TARP: variants seen among roughly 807,000 people sequenced by gnomAD.
chr7:38,266,521 A>T, the TARP span, among the ~76,000 whole-genome samples: 2 of 151,900 alleles, frequency 1.3e-5, no homozygotes, highest in African/African-American at 4.8e-5. Context: ...AGGCTGGTTT[A>T]AAACTCCTGC....
At chr7:38,266,993 T>C in the TARP span, among the ~76,000 whole-genome samples, 17,514 of 151,716 alleles carry the variant, frequency 0.12, 1,333 homozygotes, top group African/African-American at 0.21. Flanking sequence ...TATTTTGGAA[T>C]TTCATTTGAA....
chr7:38,270,665 A>G, the TARP span, among the ~76,000 whole-genome samples: 1 of 151,542 alleles, frequency 6.6e-6, no homozygotes, highest in Non-Finnish European at 1.5e-5. Flanking sequence ...AAAAGGCAAG[A>G]GGCCTGGTCC....
chr7:38,264,375 G>T, the TARP span, among the ~76,000 whole-genome samples: 1 of 151,680 alleles, frequency 6.6e-6, no homozygotes, highest in African/African-American at 2.4e-5. Context: ...TGGATCACTT[G>T]AGGTCAGGAA....
the TARP span, among the ~76,000 whole-genome samples, chr7:38,261,729 G>A: frequency 2.7e-5 from 4 of 150,730 alleles, no homozygotes; most frequent in East Asian, 1.9e-4. Flanking sequence ...AAAATTAGCC[G>A]GGCATGGTGG....
the TARP span, among the ~76,000 whole-genome samples, chr7:38,268,838 A>G: frequency 6.8e-6 from 1 of 147,512 alleles, no homozygotes; most frequent in African/African-American, 2.5e-5. Context: ...TCTGTAAATT[A>G]GATGGACTGA....
chr7:38,266,686 G>A, the TARP span, among the ~76,000 whole-genome samples: 1 of 151,442 alleles, frequency 6.6e-6, no homozygotes, highest in African/African-American at 2.4e-5. Context: ...CTATCAAGTT[G>A]ACCATGTAGC....
the TARP span, among the ~76,000 whole-genome samples, chr7:38,267,810 T>G: frequency 6.6e-6 from 1 of 151,530 alleles, no homozygotes; most frequent in Non-Finnish European, 1.5e-5. Flanking sequence ...TTTTCCAATC[T>G]AATTTTCATC....
At chr7:38,265,729 C>A in the TARP span, 1 of 1,338,654 alleles carries the variant, frequency 7.5e-7, no homozygotes. Flanking sequence ...GAGAAACACA[C>A]ACATTGCACA....
the TARP span, chr7:38,273,465 T>C: frequency 4.9e-6 from 4 of 811,864 alleles, no homozygotes; most frequent in Admixed American, 2.3e-5. Flanking sequence ...CCAAGTCACC[T>C]GACCTCTCTG....
chr7:38,262,121 G>T, the TARP span: 367 of 1,502,442 alleles, frequency 2.4e-4, 4 homozygotes, highest in Middle Eastern at 8.7e-4. Context: ...TCAAGCCAGA[G>T]AAGTTCAAAA....
chr7:38,265,255 G>T, the TARP span: 1 of 937,456 alleles, frequency 1.1e-6, no homozygotes, highest in Non-Finnish European at 1.6e-6. Flanking sequence ...ATTTAAGAAA[G>T]ATTTATGTTT....
chr7:38,266,609 C>T, the TARP span, among the ~76,000 whole-genome samples: 1 of 151,724 alleles, frequency 6.6e-6, no homozygotes, highest in Non-Finnish European at 1.5e-5. Context: ...CCATTTTGTT[C>T]ACTTTTATTT....
chr7:38,265,062 T>C, the TARP span, among the ~76,000 whole-genome samples: 2 of 151,322 alleles, frequency 1.3e-5, no homozygotes, highest in African/African-American at 2.4e-5. Context: ...CTTCTGTGTA[T>C]GTTGTTTCTT....
the TARP span, chr7:38,265,621 G>A: frequency 1.2e-6 from 2 of 1,610,876 alleles, no homozygotes; most frequent in South Asian, 1.1e-5. Flanking sequence ...CTTTGTTTCA[G>A]CAATTGAAGG....
chr7:38,265,459 C>T, the TARP span: 2 of 1,611,482 alleles, frequency 1.2e-6, no homozygotes, highest in African/African-American at 1.4e-5. Context: ...CACCGTTAAC[C>T]AGCTAAATTT....
chr7:38,269,941 A>G, the TARP span, among the ~76,000 whole-genome samples: 1 of 151,896 alleles, frequency 6.6e-6, no homozygotes, highest in Non-Finnish European at 1.5e-5. Flanking sequence ...ATTCACTAAA[A>G]ATACAAAAAG....
chr7:38,266,387 G>A, the TARP span, among the ~76,000 whole-genome samples: 1 of 151,710 alleles, frequency 6.6e-6, no homozygotes. Flanking sequence ...GCTCACTGCA[G>A]TCTCGACTTC....
At chr7:38,261,981 A>G in the TARP span, among the ~76,000 whole-genome samples, 1 of 151,590 alleles carries the variant, frequency 6.6e-6, no homozygotes, top group African/African-American at 2.4e-5. Context: ...TCTCTAATTT[A>G]CAGTCATCTC....
the TARP span, chr7:38,265,501 C>G: frequency 1.2e-6 from 2 of 1,611,946 alleles, no homozygotes; most frequent in Non-Finnish European, 1.7e-6. Context: ...CATGGTGTTC[C>G]CCTCCTGGGA....
Sources: allele counts gnomAD v4.1 joint callset (sites outside exome capture counted in the v4.1 genomes callset), GRCh38; gene constraint gnomAD v4.1.1; transcripts MANE v1.5.